Variants in SUN3 observed in about 807,000 individuals in gnomAD.
SUN3 encodes Sad1 and UNC84 domain containing 3.
A neutral mutation model predicts 48.2 loss-of-function variants in SUN3; 36 were observed. The observed-to-expected ratio is 0.75, with a 90% CI of 0.57 to 0.99. SUN3 has a LOEUF of 0.99. SUN3 is among the 50% of genes least tolerant of loss of function. The pLI is 0.00. For synonymous variants in SUN3, 148 were observed against 147.9 expected, an observed-to-expected ratio of 1.00 and a Z score of 0.00; for missense variants, 419 against 433.1, an observed-to-expected ratio of 0.97 and a Z score of 0.29.
chr7:47,987,372 T>C lies in SUN3; in HGVS notation c.1032A>G (p.Leu344=). The C allele has an allele frequency of 6.2e-7, 1 of 1,612,310 alleles. No homozygotes were observed. The highest frequency in any genetic ancestry group is 8.5e-7 in the Non-Finnish European group (1 of 1,178,908). The part of the protein sequence containing the change: ...SNWGHPKYTC[L]YRFRVHGTPG... ...GTGTGCCATGGACCCTGAATCGATA[T>C]AAACAAGTATACTTCGGGTGTCCCC... The change falls in exon 10 of 10, where the codon TTA becomes TTG. Residue 344 remains leucine (L), a synonymous_variant. Transcript: ENST00000297325.
At chr7:48,019,468 T>C (rs1436558543) in intron 2 of SUN3, among the ~76,000 whole-genome samples, 1 of 151,410 alleles carries the variant, frequency 6.6e-6, no homozygotes, top group Non-Finnish European at 1.5e-5. Flanking sequence ...ATAAATAAAA[T>C]GGAAATGAAG....
intron 3 of SUN3, among the ~76,000 whole-genome samples, chr7:48,013,117 A>C (rs1328763996): frequency 6.6e-6 from 1 of 152,172 alleles, no homozygotes; most frequent in African/African-American, 2.4e-5. Flanking sequence ...TTTTGTTCTC[A>C]GTGTAGCAGT....
chr7:48,019,390 T>C (rs1044860086), intron 2 of SUN3, among the ~76,000 whole-genome samples: 2 of 150,300 alleles, frequency 1.3e-5, no homozygotes, highest in Non-Finnish European at 3.0e-5. Flanking sequence ...CTTAAAGAAA[T>C]AGAAAAGCAA....
At chr7:47,990,234 T>C (rs1381713917) in intron 8 of SUN3, among the ~76,000 whole-genome samples, 2 of 152,148 alleles carry the variant, frequency 1.3e-5, no homozygotes, top group Non-Finnish European at 2.9e-5. Flanking sequence ...TCTCCTGAGA[T>C]AGGAGAAAAC....
chr7:47,990,511 T>C (rs1169700279), intron 8 of SUN3, among the ~76,000 whole-genome samples: 5 of 152,024 alleles, frequency 3.3e-5, no homozygotes, highest in Non-Finnish European at 5.9e-5. Flanking sequence ...CTCCGTATGC[T>C]GAGCGCTGGT....
chr7:48,024,370 T>A (rs913973843), intron 2 of SUN3, among the ~76,000 whole-genome samples: 1 of 152,126 alleles, frequency 6.6e-6, no homozygotes, highest in Non-Finnish European at 1.5e-5. Context: ...TTAATGGACA[T>A]GTCTCCAAGG....
At chr7:48,035,880 C>T in the SUN3 span, among the ~76,000 whole-genome samples, 50,367 of 151,892 alleles carry the variant, frequency 0.33, 9,495 homozygotes, top group Middle Eastern at 0.53. The surrounding 1 kb of genome is among the most constrained non-coding windows in gnomAD (Gnocchi z 4.0). Flanking sequence ...TACTGGATAC[C>T]CGGCGTGACG....
At chr7:48,015,465 C>T (rs2128780099) in intron 3 of SUN3, among the ~76,000 whole-genome samples, 1 of 152,158 alleles carries the variant, frequency 6.6e-6, no homozygotes, top group South Asian at 2.1e-4. Flanking sequence ...CATGTGCAGT[C>T]TCCCCTCTCT....
intron 4 of SUN3, among the ~76,000 whole-genome samples, chr7:48,008,477 C>T (rs920686201): frequency 1.3e-4 from 19 of 151,882 alleles, no homozygotes; most frequent in African/African-American, 3.4e-4. Flanking sequence ...GAATATATTC[C>T]AATGTATTTA....
chr7:47,991,244 G>A (rs1789051083), intron 8 of SUN3, among the ~76,000 whole-genome samples: 1 of 151,888 alleles, frequency 6.6e-6, no homozygotes, highest in Non-Finnish European at 1.5e-5. Flanking sequence ...AATTTTACTT[G>A]GTTCATAAAT....
At chr7:48,028,686 T>C (rs1790202921) in intron 1 of SUN3, 131 bp downstream of exon 1, 3 of 1,217,654 alleles carry the variant, frequency 2.5e-6, no homozygotes, top group Admixed American at 2.4e-5. Flanking sequence ...AAGGAAACTA[T>C]TGAAAATGAT....
Position 48,007,825 on chromosome 7 carries a change from GT to G in SUN3, c.330-499del, listed in dbSNP as rs1275161930. ...ATGCAAGATTTTACTTCCCAAGAAT[GT>G]TTTTTTTTTTTTTTTGAGATGGAGT... is the stretch of plus-strand genomic sequence containing the variant. On this transcript the variant is annotated intron_variant, in intron 4 of 9. Coordinates refer to ENST00000297325, the MANE Select transcript of SUN3 (RefSeq NM_001030019.2). Among the ~76,000 whole-genome samples, 230 of 137,948 alleles carry G rather than the reference GT, an allele frequency of 1.7e-3. 1 individual carries two copies. The highest frequency in any genetic ancestry group is 3.3e-3 in the South Asian group (14 of 4,228). 90.5% of individuals were successfully genotyped at this position (137,948 alleles called of 152,430 possible). A position where few individuals can be genotyped will look rare whatever the true frequency, so the allele number is the denominator to read the frequency against.
At chr7:48,020,443 A>C (rs1789961059) in intron 2 of SUN3, among the ~76,000 whole-genome samples, 1 of 152,224 alleles carries the variant, frequency 6.6e-6, no homozygotes, top group Admixed American at 6.5e-5. Flanking sequence ...GCTATTCAAC[A>C]TAGTACTGGA....
chr7:48,029,137 A>T, upstream of SUN3: 2 of 710,398 alleles, frequency 2.8e-6, no homozygotes, highest in Non-Finnish European at 4.4e-6. Flanking sequence ...CCTCCGTGAC[A>T]CCTCATAATG....
chr7:47,994,514 C>T, intron 7 of SUN3, 32 bp from the exon 8 acceptor site: 1 of 1,571,826 alleles, frequency 6.4e-7, no homozygotes, highest in Non-Finnish European at 8.6e-7. Flanking sequence ...AATCTCTTAA[C>T]TAGTTATGTG....
chr7:48,027,697 C>G (rs978779630), intron 1 of SUN3, among the ~76,000 whole-genome samples: 1 of 152,146 alleles, frequency 6.6e-6, no homozygotes, highest in Admixed American at 6.5e-5. Context: ...AGCTTATCTA[C>G]CCTACATAAA....
chr7:47,989,028 A>C, intron 8 of SUN3, 148 bp from the exon 9 acceptor site: 1 of 487,472 alleles, frequency 2.1e-6, no homozygotes, highest in Non-Finnish European at 3.7e-6. Flanking sequence ...CACCCAGAGG[A>C]TATTTAACAA....
intron 2 of SUN3, among the ~76,000 whole-genome samples, chr7:48,021,106 A>C (rs1010617311): frequency 2.0e-5 from 3 of 151,864 alleles, no homozygotes; most frequent in African/African-American, 7.2e-5. Context: ...CAGAATAGAG[A>C]ACCCCTACAG....
upstream of SUN3, among the ~76,000 whole-genome samples, chr7:48,030,455 G>C (rs149198434): frequency 2.0e-5 from 3 of 152,294 alleles, no homozygotes; most frequent in African/African-American, 7.2e-5. Flanking sequence ...CACATGCACA[G>C]TATGTGACAT....
Sources: allele counts gnomAD v4.1 joint callset (sites outside exome capture counted in the v4.1 genomes callset), GRCh38; gene constraint gnomAD v4.1.1; non-coding constraint Gnocchi (gnomAD v3.1); transcripts MANE v1.5; gene names NCBI Gene and HGNC (gene_info 2026-07-23, HGNC 2026-07-21).